The following QTMAN variants were observed in gnomAD, a reference collection of about 807,000 sequenced individuals.
QTMAN encodes tRNA-queuosine alpha-mannosyltransferase.
At chr2:143,991,926 C>A in the QTMAN span, among the ~76,000 whole-genome samples, 17 of 146,272 alleles carry the variant, frequency 1.2e-4, no homozygotes, top group African/African-American at 4.3e-4. Flanking sequence ...GTCAGCCCCC[C>A]GCCCGGCCAG....
At chr2:144,160,825 T>C in the QTMAN span, among the ~76,000 whole-genome samples, 1 of 152,160 alleles carries the variant, frequency 6.6e-6, no homozygotes, top group Non-Finnish European at 1.5e-5. Flanking sequence ...CTTTCTCAAA[T>C]GAATTCTTAC....
At chr2:144,117,631 T>C in the QTMAN span, among the ~76,000 whole-genome samples, 1 of 152,228 alleles carries the variant, frequency 6.6e-6, no homozygotes, top group African/African-American at 2.4e-5. Context: ...GTTTGCCTTA[T>C]GATAAATAAC....
At chr2:144,147,419 G>A in the QTMAN span, among the ~76,000 whole-genome samples, 1 of 151,676 alleles carries the variant, frequency 6.6e-6, no homozygotes, top group Non-Finnish European at 1.5e-5. Flanking sequence ...AACTTACACT[G>A]AAAATTCTGA....
chr2:144,227,572 T>G, the QTMAN span, among the ~76,000 whole-genome samples: 3 of 152,318 alleles, frequency 2.0e-5, no homozygotes, highest in East Asian at 5.8e-4. Context: ...AGGTTCAACA[T>G]GTAGGCACTG....
the QTMAN span, among the ~76,000 whole-genome samples, chr2:143,976,311 C>T: frequency 3.3e-5 from 5 of 151,994 alleles, no homozygotes; most frequent in African/African-American, 7.3e-5. Context: ...TCAAACTCAT[C>T]GGATAATAGA....
At chr2:144,225,372 T>C in the QTMAN span, among the ~76,000 whole-genome samples, 1 of 152,206 alleles carries the variant, frequency 6.6e-6, no homozygotes, top group Non-Finnish European at 1.5e-5. Flanking sequence ...TATAGCTACA[T>C]TTAACATCTT....
the QTMAN span, among the ~76,000 whole-genome samples, chr2:143,950,061 T>C: frequency 2.6e-5 from 4 of 151,882 alleles, 1 homozygote. Context: ...TGAAAATGTG[T>C]TACAGATTTA....
chr2:144,146,955 A>G, the QTMAN span, among the ~76,000 whole-genome samples: 7,227 of 151,948 alleles, frequency 0.048, 563 homozygotes, highest in African/African-American at 0.16. Context: ...AATTGGTTGC[A>G]GACCACTTAC....
the QTMAN span, among the ~76,000 whole-genome samples, chr2:143,972,981 G>A: frequency 3.3e-5 from 5 of 152,152 alleles, no homozygotes; most frequent in African/African-American, 1.2e-4. Flanking sequence ...AGAAGCAAAC[G>A]AATTTAATAT....
the QTMAN span, among the ~76,000 whole-genome samples, chr2:144,133,186 TAAA>T: frequency 0.036 from 2,622 of 72,856 alleles, 263 homozygotes; most frequent in African/African-American, 0.17. Context: ...ATATATAATA[TAAA>T]TTTATATATA....
chr2:144,304,354 C>T, the QTMAN span, among the ~76,000 whole-genome samples: 5 of 152,132 alleles, frequency 3.3e-5, no homozygotes, highest in Non-Finnish European at 4.4e-5. Flanking sequence ...TCACAAAGAA[C>T]GTAAACTGCC....
chr2:144,203,611 A>G, the QTMAN span, among the ~76,000 whole-genome samples: 1 of 152,200 alleles, frequency 6.6e-6, no homozygotes. Context: ...ACTTCTGAAG[A>G]TTAAGAGAAC....
chr2:144,292,609 T>C, the QTMAN span, among the ~76,000 whole-genome samples: 1 of 152,158 alleles, frequency 6.6e-6, no homozygotes, highest in African/African-American at 2.4e-5. Context: ...CACTTAGAAT[T>C]CTAAGATTAA....
the QTMAN span, among the ~76,000 whole-genome samples, chr2:144,101,763 A>C: frequency 1.3e-5 from 2 of 152,152 alleles, no homozygotes; most frequent in South Asian, 4.1e-4. Flanking sequence ...TTATTCTGTC[A>C]AATACCATTT....
chr2:144,154,627 T>G, the QTMAN span, among the ~76,000 whole-genome samples: 1 of 152,240 alleles, frequency 6.6e-6, no homozygotes, highest in Non-Finnish European at 1.5e-5. Context: ...AGAACTTGCC[T>G]GATCACCAAA....
the QTMAN span, chr2:144,294,413 G>A: frequency 6.6e-6 from 1 of 152,100 alleles, no homozygotes; most frequent in Non-Finnish European, 1.5e-5. Context: ...CATTATTTTA[G>A]TTTTTTTCTT....
At chr2:144,005,456 T>A in the QTMAN span, among the ~76,000 whole-genome samples, 4 of 152,084 alleles carry the variant, frequency 2.6e-5, no homozygotes, top group African/African-American at 9.7e-5. Flanking sequence ...TCCCCAGGCA[T>A]CAGTAAAATT....
the QTMAN span, among the ~76,000 whole-genome samples, chr2:144,090,927 C>T: frequency 6.6e-6 from 1 of 151,960 alleles, no homozygotes; most frequent in Non-Finnish European, 1.5e-5. Flanking sequence ...GGGGGACTCA[C>T]ACTACCTGCC....
At chr2:144,218,181 T>G in the QTMAN span, among the ~76,000 whole-genome samples, 2 of 152,200 alleles carry the variant, frequency 1.3e-5, no homozygotes, top group Admixed American at 1.3e-4. Flanking sequence ...TATCACTCAT[T>G]ACTATTTACT....
Sources: gnomAD v4.1 joint callset for allele counts (sites outside exome capture counted in the v4.1 genomes callset) on GRCh38, gnomAD v4.1.1 for gene constraint, MANE v1.5 for transcripts, NCBI Gene and HGNC (gene_info 2026-07-23, HGNC 2026-07-21) for gene names.